Variants in CPT1B observed in about 807,000 individuals in gnomAD.
CPT1B encodes carnitine palmitoyltransferase 1B.
CPT1B carries 57 observed loss-of-function variants against 92.7 expected under a neutral mutation model. That is an observed-to-expected ratio of 0.62 (90% CI 0.50 to 0.77). The LOEUF (loss-of-function observed/expected upper bound fraction) is 0.77, where lower values mean the gene tolerates loss of function less well. Among genes scored for constraint, CPT1B ranks in the 30% least tolerant of loss-of-function variants. The pLI, the probability that CPT1B is intolerant of heterozygous loss-of-function variation, is 0.00. For synonymous variants in CPT1B, 398 were observed against 383.5 expected, an observed-to-expected ratio of 1.04 and a Z score of -0.44; for missense variants, 983 against 1,017.4, an observed-to-expected ratio of 0.97 and a Z score of 0.46.
At chr22:50,570,481 C>T in intron 16 of CPT1B, 75 bp from the exon 17 acceptor site, 1 of 1,199,798 alleles carries the variant, frequency 8.3e-7, no homozygotes, top group Non-Finnish European at 1.2e-6. Flanking sequence ...CTGCGACCTA[C>T]TCTGAGCCAG....
intron 7 of CPT1B, among the ~76,000 whole-genome samples, chr22:50,575,416 G>A (rs1343374539): frequency 6.6e-6 from 1 of 152,264 alleles, no homozygotes; most frequent in Non-Finnish European, 1.5e-5. Context: ...CTATGGGCAA[G>A]TTGTGTGTAA....
chr22:50,577,609 G>T, intron 2 of CPT1B, 146 bp from the exon 3 acceptor site: 1 of 1,408,124 alleles, frequency 7.1e-7, no homozygotes, highest in Non-Finnish European at 9.6e-7. Flanking sequence ...CACACCCACA[G>T]CTCCCTGTGT....
At chr22:50,569,450 T>C (rs1333818881) in intron 18 of CPT1B, 29 bp from the exon 19 acceptor site, 1 of 1,612,906 alleles carries the variant, frequency 6.2e-7, no homozygotes, top group Non-Finnish European at 8.5e-7. Context: ...CAGATGCACC[T>C]TCAGATATGT....
At chr22:50,571,081 G>A (rs759309831) in intron 15 of CPT1B, 38 bp from the exon 16 acceptor site, 14 of 1,611,762 alleles carry the variant, frequency 8.7e-6, no homozygotes, top group South Asian at 6.6e-5. Flanking sequence ...AGTAGCCCTG[G>A]CCCTCCAGGC....
At chr22:50,570,866 G>A in intron 16 of CPT1B, 25 bp downstream of exon 16, 11 of 1,609,372 alleles carry the variant, frequency 6.8e-6, no homozygotes, top group Non-Finnish European at 9.3e-6. Flanking sequence ...GTGGGACAAA[G>A]GACACACCCA....
At position 50,577,413 on chromosome 22, in the gene CPT1B, G is replaced by C. The variant is rs1471615877; in HGVS notation, c.192C>G (p.Val64=). The change falls in exon 3 of 20, where the codon GTC becomes GTG. Residue 64 remains valine, a synonymous_variant. Transcript: ENST00000312108. ...VYPGSPTSWL[V]VIMATVGSSF... ...AGGAACCCACTGTTGCCATGATGAC[G>C]ACCAGCCAGCTGGTGGGGCTGCCAG... 3 of 1,613,786 alleles carry C rather than the reference G, an allele frequency of 1.9e-6. No individual in the cohort carries two copies. In the Admixed American group the frequency reaches 5.0e-5, roughly 27 times the overall value.
At chr22:50,576,161 A>G in intron 6 of CPT1B, 37 bp downstream of exon 6, 1 of 1,614,044 alleles carries the variant, frequency 6.2e-7, no homozygotes, top group Non-Finnish European at 8.5e-7. Context: ...GCCAGGACAC[A>G]TGGCAGGTGA....
chr22:50,571,914 C>T (rs1473316303), intron 13 of CPT1B, 92 bp downstream of exon 13: 1 of 1,196,218 alleles, frequency 8.4e-7, no homozygotes, highest in Non-Finnish European at 1.2e-6. Context: ...GGCAGTGAGG[C>T]CAGCAGGGGA....
At position 50,573,114 on chromosome 22, in the gene CPT1B, C is replaced by T; in HGVS notation, c.1167-54G>A. 1 of 1,488,680 alleles carries T rather than the reference C, an allele frequency of 6.7e-7. No individual in the cohort carries two copies. Among genetic ancestry groups the T allele is most frequent in the Non-Finnish European group, 9.2e-7 (1 of 1,092,612 alleles). 92.2% of individuals were successfully genotyped at this position (1,488,680 alleles called of 1,614,324 possible). A position where few individuals can be genotyped will look rare whatever the true frequency, so the allele number is the denominator to read the frequency against. ...GCACGTGGACTTGGGATGAGGGTGCCTCTGAGGGCCTGGCTGGACCTGGAG... is the reference window on the plus strand; with the variant it reads ...GCACGTGGACTTGGGATGAGGGTGCTTCTGAGGGCCTGGCTGGACCTGGAG... On this transcript the variant is annotated intron_variant, in intron 10 of 19. Coordinates refer to ENST00000312108, the MANE Select transcript of CPT1B (RefSeq NM_152246.3). This position sits in a 1 kb window ranked among gnomAD's most constrained non-coding sequence, Gnocchi z 5.0.
rs776931426 is a variant in CPT1B, at chr22:50,572,007, T to C, written c.1574A>G (p.Gln525Arg). Reference sequence around the variant, plus strand: ...CTGCTCTGGGAGCTTCCAACCCACCTGTTTTGGAATGTCCCACTGCAGCCG... The same window carrying C: ...CTGCTCTGGGAGCTTCCAACCCACCCGTTTTGGAATGTCCCACTGCAGCCG... Reference protein sequence around the residue: ...PTRLQWDIPKQCQAVIESSYQ... With the variant: ...PTRLQWDIPKRCQAVIESSYQ... The change falls in exon 13 of 20, where the codon CAG becomes CGG. Residue 525 changes from glutamine (Q) to arginine (R), a missense_variant and splice_region_variant. By Grantham distance (43) the Gln-to-Arg change is conservative. Coordinates refer to ENST00000312108, the MANE Select transcript of CPT1B (RefSeq NM_152246.3). 2.5e-6 allele frequency: 4 copies of C among 1,613,708 alleles called. No homozygotes were observed. The highest frequency in any genetic ancestry group is 3.4e-6 in the Non-Finnish European group (4 of 1,179,834).
At chr22:50,569,759 G>A in intron 17 of CPT1B, 91 bp from the exon 18 acceptor site, 4 of 1,165,166 alleles carry the variant, frequency 3.4e-6, no homozygotes, top group Non-Finnish European at 5.2e-6. Flanking sequence ...TCCCACAAGA[G>A]TTGCAGGAAC....
In CPT1B at chr22:50,573,953, G is replaced by A. The variant is rs1048230111; in HGVS notation, c.971-238C>T. 6 of 706,588 alleles carry A rather than the reference G, an allele frequency of 8.5e-6. 1 individual carries two copies. The highest frequency in any genetic ancestry group is 3.0e-5 in the South Asian group (2 of 66,674). 43.8% of individuals were successfully genotyped at this position (706,588 alleles called of 1,614,324 possible). A position where few individuals can be genotyped will look rare whatever the true frequency, so the allele number is the denominator to read the frequency against. On this transcript the variant is annotated intron_variant, in intron 9 of 19. Transcript: ENST00000312108. This position sits in a 1 kb window ranked among gnomAD's most constrained non-coding sequence, Gnocchi z 5.0. ...AGTATTTCACAGAAGAGGAAACGACGCACTAGAGGGTTGTGCAAACCGCCT... is the reference window on the plus strand; with the variant it reads ...AGTATTTCACAGAAGAGGAAACGACACACTAGAGGGTTGTGCAAACCGCCT...
At position 50,572,242 on chromosome 22, in the gene CPT1B, A is replaced by G. The variant is rs1178114464; in HGVS notation, c.1419T>C (p.His473=). 1 of 1,614,020 alleles carries G rather than the reference A, an allele frequency of 6.2e-7. No homozygotes were observed. The highest frequency in any genetic ancestry group is 8.5e-7 in the Non-Finnish European group (1 of 1,179,962). Reference sequence around the variant, plus strand: ...CAATGATGGGAGCATCTGCCCACGCATGCTCTGCATTGAGACCCAACTGGC... The same window carrying G: ...CAATGATGGGAGCATCTGCCCACGCGTGCTCTGCATTGAGACCCAACTGGC... The part of the protein sequence containing the change: ...KNGQLGLNAE[H]AWADAPIIGH... Residue 473 remains histidine (H), a synonymous_variant, in exon 12 of 20, where the codon CAT becomes CAC. Coordinates refer to ENST00000312108, the MANE Select transcript of CPT1B (RefSeq NM_152246.3).
intron 13 of CPT1B, 198 bp downstream of exon 13, chr22:50,571,808 C>T (rs1365679839): frequency 3.0e-6 from 2 of 675,998 alleles, no homozygotes; most frequent in African/African-American, 3.6e-5. Context: ...CACAGATGGC[C>T]CCAGGGGCGG....
rs768939591 is a variant in CPT1B, at chr22:50,571,561, C to T, written c.1576-22G>A. 4 of 1,607,480 alleles carry T rather than the reference C, an allele frequency of 2.5e-6. No homozygotes were observed. In the Admixed American group the frequency reaches 5.0e-5, roughly 20 times the overall value. ...GGCACTGCCAAGACATGGGAAGGGT[C>T]AGCTGAGGGTAGGGCTCTCCAAGCA... On this transcript the variant is annotated intron_variant, in intron 13 of 19. Transcript: ENST00000312108.
At chr22:50,571,118 C>T (rs760213715) in intron 15 of CPT1B, 40 bp downstream of exon 15, 21 of 1,612,318 alleles carry the variant, frequency 1.3e-5, no homozygotes, top group Non-Finnish European at 1.6e-5. Context: ...GGGCACCTCA[C>T]CCGACGACTG....
Position 50,571,459 on chromosome 22 carries a change from C to G in CPT1B, c.1656G>C (p.Leu552=). Residue 552 remains leucine (L), a synonymous_variant, in exon 14 of 20, where the codon CTG becomes CTC. Transcript: ENST00000312108. ...TCTTGATGAGGCCTTTGCCAAAGGG[C>G]AGGAACTGGAAGCAGTACAACTCCA... The part of the protein sequence containing the change: ...DDVELYCFQF[L]PFGKGLIKKC... 6.2e-7 allele frequency: 1 copy of G among 1,613,806 alleles called. No homozygotes were observed. The highest frequency in any genetic ancestry group is 8.5e-7 in the Non-Finnish European group (1 of 1,180,040).
chr22:50,577,613 CCT>C (rs2070513925), intron 2 of CPT1B, 150 bp from the exon 3 acceptor site: 3 of 1,409,372 alleles, frequency 2.1e-6, no homozygotes, highest in East Asian at 2.4e-5. Context: ...CCCACAGCTC[CCT>C]GTGTCCGACC....
intron 15 of CPT1B, 54 bp downstream of exon 15, chr22:50,571,103 AG>A: frequency 6.2e-7 from 1 of 1,611,796 alleles, no homozygotes; most frequent in South Asian, 1.1e-5. Context: ...GACAGGAGGC[AG>A]AGGGGGCACC....
Sources: gnomAD v4.1 joint callset for allele counts (sites outside exome capture counted in the v4.1 genomes callset) on GRCh38, gnomAD v4.1.1 for gene constraint, Gnocchi (gnomAD v3.1) non-coding constraint, MANE v1.5 for transcripts, NCBI Gene and HGNC (gene_info 2026-07-23, HGNC 2026-07-21) for gene names.